The following ARMH1 variants were observed in gnomAD, a reference collection of about 807,000 sequenced individuals.
The protein encoded by ARMH1 is armadillo-like helical domain containing protein 1.
Under a neutral mutation model 50.2 loss-of-function variants are expected in ARMH1, and 34 were observed. The observed-to-expected ratio is 0.68, with a 90% CI of 0.51 to 0.90. The LOEUF (loss-of-function observed/expected upper bound fraction) is 0.90. Ranked by LOEUF, ARMH1 falls within the 40% of genes least tolerant of loss-of-function variation. The pLI, the probability that ARMH1 is intolerant of heterozygous loss-of-function variation, is 0.00. For synonymous variants in ARMH1, 221 were observed against 224.2 expected, an observed-to-expected ratio of 0.99 and a Z score of 0.13; for missense variants, 538 against 553.9, an observed-to-expected ratio of 0.97 and a Z score of 0.29.
intron 6 of ARMH1, 143 bp from the exon 7 acceptor site, chr1:44,723,979 T>C (rs1647811822): frequency 9.1e-7 from 1 of 1,101,478 alleles, no homozygotes; most frequent in African/African-American, 1.6e-5. Flanking sequence ...AGGTTCGCCT[T>C]CCCAGCTCCC....
At chr1:44,708,054 T>C (rs942208640) in intron 6 of ARMH1, among the ~76,000 whole-genome samples, 10 of 152,232 alleles carry the variant, frequency 6.6e-5, no homozygotes, top group African/African-American at 2.4e-4. Flanking sequence ...AGAATGCGTA[T>C]GCAATGATTT....
chr1:44,702,710 CAAAAA>C (rs11449439), intron 5 of ARMH1, among the ~76,000 whole-genome samples: 1 of 90,022 alleles, frequency 1.1e-5, no homozygotes. Context: ...GACTCCATCT[CAAAAA>C]AAAAAAAAAA....
rs569867563 is a variant in ARMH1, at chr1:44,716,059, A to G, written c.725-8063A>G. ...CTCTCATCCTCCTTCCCAAACCCAT[A>G]CTCTCCTGGCTTCCTCCTATGGCTC... On this transcript the variant is annotated intron_variant, in intron 6 of 11. Transcript: ENST00000535358. Among the ~76,000 whole-genome samples, 6 of 148,732 alleles carry G rather than the reference A, an allele frequency of 4.0e-5. No individual in the cohort carries two copies. The South Asian group carries it at 1.3e-3, about 32-fold the overall frequency.
In ARMH1 at chr1:44,700,940, G is replaced by A; in HGVS notation, c.460G>A (p.Glu154Lys). 6.4e-7 allele frequency: 1 copy of A among 1,550,894 alleles called. No homozygotes were observed. Among genetic ancestry groups the A allele is most frequent in the Non-Finnish European group, 8.7e-7 (1 of 1,146,694 alleles). Residue 154 changes from glutamate to lysine, a missense_variant, in exon 5 of 12, where the codon GAA (glutamate) becomes AAA (lysine). Glu to Lys is a moderately conservative substitution (Grantham distance 56). Transcript: ENST00000535358. ...CESYGVRSIAEFLAKSKSEET... is the reference protein window; with the variant it reads ...CESYGVRSIAKFLAKSKSEET... ...TTGCTCAGGTGTACGATCCATAGCAGAATTTTTGGCAAAGTCTAAGTCAGA... is the reference window on the plus strand; with the variant it reads ...TTGCTCAGGTGTACGATCCATAGCAAAATTTTTGGCAAAGTCTAAGTCAGA...
rs80267024 is a variant in ARMH1, at chr1:44,711,315, C to T, written c.724+7142C>T. On this transcript the variant is annotated intron_variant, in intron 6 of 11. Coordinates refer to ENST00000535358, the MANE Select transcript of ARMH1 (RefSeq NM_001145636.2). ...TACCATTTTACATTCCCAGTAGCAG[C>T]AATATATGAGGATTCCAATTTCTCC... Among the ~76,000 whole-genome samples, 357 of 152,336 alleles carry T rather than the reference C, an allele frequency of 2.3e-3. 2 individuals are homozygous for T. Among genetic ancestry groups the T allele is most frequent in the African/African-American group, 8.0e-3 (331 of 41,582 alleles).
chr1:44,715,159 G>A (rs895662167), intron 6 of ARMH1, among the ~76,000 whole-genome samples: 1 of 152,154 alleles, frequency 6.6e-6, no homozygotes, highest in African/African-American at 2.4e-5. Context: ...CCAGTAGGTG[G>A]CAGGCTTGTC....
At chr1:44,709,672 G>GAA (rs74359676) in intron 6 of ARMH1, among the ~76,000 whole-genome samples, 1 of 131,064 alleles carries the variant, frequency 7.6e-6, no homozygotes. Flanking sequence ...CTCCATCTCA[G>GAA]AAAAAAAAAA....
intron 6 of ARMH1, among the ~76,000 whole-genome samples, chr1:44,708,684 G>A (rs1646450587): frequency 6.6e-6 from 1 of 152,124 alleles, no homozygotes; most frequent in South Asian, 2.1e-4. Flanking sequence ...CTTACAGTGG[G>A]TGTCAGTGAT....
chr1:44,704,340 A>G (rs12088087), intron 6 of ARMH1, among the ~76,000 whole-genome samples, 167 bp downstream of exon 6: 64,412 of 151,920 alleles, frequency 0.42, 14,227 homozygotes, highest in East Asian at 0.77. Context: ...CCTTGCGTCA[A>G]CCACAGGGTG....
At chr1:44,721,903 T>A (rs917995709) in intron 6 of ARMH1, 1 of 152,256 alleles carries the variant, frequency 6.6e-6, no homozygotes, top group East Asian at 1.9e-4. Context: ...ACCAGAGATC[T>A]GCCTGTTAGC....
intron 4 of ARMH1, 118 bp from the exon 5 acceptor site, chr1:44,700,805 G>T: frequency 2.5e-6 from 2 of 814,916 alleles, no homozygotes; most frequent in Admixed American, 3.2e-5. Flanking sequence ...CCTCAATTTT[G>T]CTTTGGTTGA....
At chr1:44,718,916 T>C (rs1253841224) in intron 6 of ARMH1, among the ~76,000 whole-genome samples, 3 of 150,678 alleles carry the variant, frequency 2.0e-5, no homozygotes, top group Non-Finnish European at 4.4e-5. Flanking sequence ...TCCCAGCTAC[T>C]TGGGAGGCTG....
chr1:44,705,260 G>A (rs1646290440), intron 6 of ARMH1, among the ~76,000 whole-genome samples: 2 of 152,026 alleles, frequency 1.3e-5, no homozygotes, highest in Non-Finnish European at 2.9e-5. Context: ...GGAGGCCGAG[G>A]CAGGCGGATC....
intron 6 of ARMH1, among the ~76,000 whole-genome samples, chr1:44,709,132 C>T (rs927272004): frequency 5.3e-5 from 8 of 152,128 alleles, no homozygotes; most frequent in African/African-American, 1.4e-4. Context: ...CAGCTGCTTT[C>T]GACCCAGTTG....
chr1:44,687,309 C>G (rs1268036607), intron 1 of ARMH1, among the ~76,000 whole-genome samples: 3 of 152,196 alleles, frequency 2.0e-5, no homozygotes, highest in African/African-American at 2.4e-5. Context: ...AAGGCCCACC[C>G]TAATGACATA....
rs1268999784 is a variant in ARMH1 at position 44,710,824 on chromosome 1, A to AC, written c.724+6654dup. On this transcript the variant is annotated intron_variant, in intron 6 of 11. Coordinates refer to ENST00000535358, the MANE Select transcript of ARMH1 (RefSeq NM_001145636.2). Reference sequence around the variant, plus strand: ...AACATTTTCATCCCCCCAAAAGGAAACCCTGAATTCAGCGAGCAGCTATTC... The same window carrying AC: ...AACATTTTCATCCCCCCAAAAGGAAACCCCTGAATTCAGCGAGCAGCTATTC... Among the ~76,000 whole-genome samples, 3 of 152,130 alleles carry AC rather than the reference A, an allele frequency of 2.0e-5. 1 individual carries two copies. Among genetic ancestry groups the AC allele is most frequent in the Admixed American group, 2.0e-4 (3 of 15,266 alleles).
At chr1:44,720,632 A>G (rs1384017357) in intron 6 of ARMH1, among the ~76,000 whole-genome samples, 1 of 152,206 alleles carries the variant, frequency 6.6e-6, no homozygotes, top group Non-Finnish European at 1.5e-5. Flanking sequence ...GACATAGGAC[A>G]TCTACTCCTG....
At chr1:44,708,050 C>T (rs925160509) in intron 6 of ARMH1, among the ~76,000 whole-genome samples, 9 of 152,166 alleles carry the variant, frequency 5.9e-5, no homozygotes, top group Non-Finnish European at 1.0e-4. Context: ...GTAGAGAATG[C>T]GTATGCAATG....
At chr1:44,699,977 G>T (rs950698067) in intron 4 of ARMH1, among the ~76,000 whole-genome samples, 2 of 151,906 alleles carry the variant, frequency 1.3e-5, no homozygotes, top group Admixed American at 1.3e-4. Flanking sequence ...CTACAGGCGC[G>T]TGCCACCAGA....
Sources: gnomAD v4.1 joint callset for allele counts (sites outside exome capture counted in the v4.1 genomes callset) on GRCh38, gnomAD v4.1.1 for gene constraint, MANE v1.5 for transcripts, NCBI Gene and HGNC (gene_info 2026-07-23, HGNC 2026-07-21) for gene names.